MLIP: variants seen among roughly 807,000 people sequenced by gnomAD.
MLIP encodes muscular LMNA interacting protein.
MLIP carries 79 observed loss-of-function variants against 84.8 expected under a neutral mutation model. The ratio of observed to expected loss-of-function variants is 0.93; its 90% confidence interval spans 0.78 to 1.12. MLIP has a LOEUF of 1.12. Ranked by LOEUF, MLIP falls within the 50% of genes most tolerant of loss-of-function variation. The pLI is 0.00. For missense variants in MLIP, 1,257 were observed against 1,160.6 expected (o/e 1.08, Z -1.21); for synonymous variants, 504 against 463.0 (o/e 1.09, Z -1.14).
intron 12 of MLIP, among the ~76,000 whole-genome samples, chr6:54,254,083 C>G (rs921252269): frequency 6.7e-6 from 1 of 149,532 alleles, no homozygotes; most frequent in Non-Finnish European, 1.5e-5. Flanking sequence ...TTAATCTACT[C>G]TCTGCATAGC....
chr6:54,236,343 G>A (rs1278167662), intron 12 of MLIP, among the ~76,000 whole-genome samples: 1 of 152,208 alleles, frequency 6.6e-6, no homozygotes, highest in Admixed American at 6.5e-5. Flanking sequence ...GCTCACGCCT[G>A]TAATCCCAGC....
Position 54,066,025 on chromosome 6 carries a change from C to T in MLIP, c.63+46934C>T, listed in dbSNP as rs1426940279. ...CCCACTCAATATTATTTTACATATC[C>T]CTTCTACATTTATCTTAGGTGTAGA... is the stretch of plus-strand genomic sequence containing the variant. On this transcript the variant is annotated intron_variant, in intron 1 of 12. Transcript: ENST00000274897. 3.0e-5 allele frequency among the ~76,000 whole-genome samples: 3 copies of T among 98,374 alleles called. 1 individual carries two copies. Among genetic ancestry groups the T allele is most frequent in the Non-Finnish European group, 5.8e-5 (2 of 34,414 alleles). 64.5% of individuals were successfully genotyped at this position (98,374 alleles called of 152,430 possible). A position where few individuals can be genotyped will look rare whatever the true frequency, so the allele number is the denominator to read the frequency against.
intron 4 of MLIP, among the ~76,000 whole-genome samples, chr6:54,143,066 G>C (rs1772457391): frequency 6.6e-6 from 1 of 151,982 alleles, no homozygotes; most frequent in South Asian, 2.1e-4. Context: ...CTGTCACTCG[G>C]CCTCTATACT....
chr6:54,240,341 T>A (rs1781652881), intron 12 of MLIP, among the ~76,000 whole-genome samples: 1 of 152,220 alleles, frequency 6.6e-6, no homozygotes, highest in African/African-American at 2.4e-5. Flanking sequence ...AATACCTTTT[T>A]ACTTTTATTA....
intron 4 of MLIP, among the ~76,000 whole-genome samples, chr6:54,140,528 GA>G (rs969603885): frequency 7.3e-5 from 11 of 151,704 alleles, no homozygotes; most frequent in Admixed American, 3.9e-4. Flanking sequence ...TCTTTGAACA[GA>G]AAAAAAAGCT....
At position 54,169,570 on chromosome 6, in the gene MLIP, T is replaced by C. The variant is rs1427885874; in HGVS notation, c.2542T>C (p.Tyr848His). ...LPRAAGRETK[Y>H]ANLSSPSSTV... ...AAGAGCAGCTGGTCGAGAAACCAAA[T>C]ATGTAAGTACCTTTATAATTATACA... The change falls in exon 9 of 14, where the codon TAT (tyrosine) becomes CAT (histidine). Residue 848 changes from tyrosine to histidine, a missense_variant and splice_region_variant. Physicochemically the swap from Tyr to His is moderately conservative, Grantham distance 83 (BLOSUM62 2). Transcript: ENST00000502396. The C allele has an allele frequency of 2.5e-6, 4 of 1,587,200 alleles. No individual in the cohort carries two copies. Among genetic ancestry groups the C allele is most frequent in the Non-Finnish European group, 3.4e-6 (4 of 1,165,730 alleles).
chr6:54,047,709 G>C (rs762422099), intron 1 of MLIP: 5 of 152,164 alleles, frequency 3.3e-5, no homozygotes, highest in Non-Finnish European at 7.3e-5. Context: ...GTAGAAGCCA[G>C]ATAATAATGA....
chr6:54,193,091 T>G (rs2150686171), intron 10 of MLIP, among the ~76,000 whole-genome samples: 1 of 152,340 alleles, frequency 6.6e-6, no homozygotes, highest in Admixed American at 6.5e-5. Context: ...ACCCTTACTC[T>G]TAAAATATTT....
At chr6:54,216,316 C>T in intron 11 of MLIP, 1 of 985,236 alleles carries the variant, frequency 1.0e-6, no homozygotes, top group Non-Finnish European at 1.2e-6. Flanking sequence ...CTTTTGACTT[C>T]TTCAATTTTA....
chr6:54,225,103 C>A (rs907906746), intron 11 of MLIP, among the ~76,000 whole-genome samples: 7 of 152,026 alleles, frequency 4.6e-5, no homozygotes, highest in Admixed American at 2.0e-4. Context: ...GGGTAGATAC[C>A]CAGTAGTGGG....
intron 12 of MLIP, among the ~76,000 whole-genome samples, chr6:54,251,686 A>G (rs1485629279): frequency 2.0e-5 from 2 of 102,230 alleles, no homozygotes; most frequent in Non-Finnish European, 3.4e-5. Context: ...CATATAATAT[A>G]AATATATATT....
intron 1 of MLIP, among the ~76,000 whole-genome samples, chr6:54,051,725 A>G (rs1285411863): frequency 6.6e-6 from 1 of 152,152 alleles, no homozygotes; most frequent in African/African-American, 2.4e-5. Context: ...TTTCTCTAGA[A>G]AATGAGGGAA....
intron 1 of MLIP, among the ~76,000 whole-genome samples, chr6:54,058,571 G>A (rs1389397787): frequency 1.3e-5 from 2 of 152,210 alleles, no homozygotes; most frequent in Non-Finnish European, 2.9e-5. Context: ...AAGTAGCTAT[G>A]TGATTAGTGT....
intron 9 of MLIP, among the ~76,000 whole-genome samples, chr6:54,171,446 C>T (rs527934404): frequency 7.3e-5 from 11 of 151,676 alleles, no homozygotes; most frequent in East Asian, 3.9e-4. Context: ...CACTAAAACA[C>T]GTCCACGTCT....
At chr6:54,252,094 T>C (rs1185970357) in intron 12 of MLIP, among the ~76,000 whole-genome samples, 1 of 99,502 alleles carries the variant, frequency 1.0e-5, no homozygotes, top group Non-Finnish European at 1.7e-5. Flanking sequence ...TATAAATATA[T>C]ATTATAACAT....
At chr6:54,189,735 T>C (rs1337248577) in intron 9 of MLIP, 135 bp from the exon 10 acceptor site, 2 of 636,196 alleles carry the variant, frequency 3.1e-6, no homozygotes, top group Non-Finnish European at 5.4e-6. Context: ...CATAAGGATA[T>C]TTTTCCTTTT....
At chr6:54,180,653 A>G (rs1261532003) in intron 9 of MLIP, among the ~76,000 whole-genome samples, 1 of 152,092 alleles carries the variant, frequency 6.6e-6, no homozygotes, top group African/African-American at 2.4e-5. Flanking sequence ...TGCCAATTGC[A>G]TTTTGCAGCT....
At chr6:54,187,094 A>T (rs1391617564) in intron 9 of MLIP, among the ~76,000 whole-genome samples, 1 of 152,158 alleles carries the variant, frequency 6.6e-6, no homozygotes, top group Non-Finnish European at 1.5e-5. Context: ...AGAAAACAGG[A>T]CTCCAAACCT....
chr6:54,255,235 T>A (rs944844176), intron 12 of MLIP, among the ~76,000 whole-genome samples: 1 of 152,204 alleles, frequency 6.6e-6, no homozygotes, highest in Non-Finnish European at 1.5e-5. Context: ...CTCTGCATAC[T>A]CTCAGTCTAG....
Sources: allele counts gnomAD v4.1 joint callset (sites outside exome capture counted in the v4.1 genomes callset), GRCh38; gene constraint gnomAD v4.1.1; transcripts MANE v1.5; gene names NCBI Gene and HGNC (gene_info 2026-07-23, HGNC 2026-07-21).